CDH12: variants seen among roughly 807,000 people sequenced by gnomAD.
CDH12 encodes cadherin-12.
Under a neutral mutation model 74.1 loss-of-function variants are expected in CDH12, and 41 were observed. The ratio of observed to expected loss-of-function variants is 0.55; its 90% confidence interval spans 0.43 to 0.72. The LOEUF (loss-of-function observed/expected upper bound fraction) is 0.72. Ranked by LOEUF, CDH12 falls within the 30% of genes least tolerant of loss-of-function variation. The probability of loss-of-function intolerance (pLI) is 0.00; values close to 1 mark genes in which losing one functional copy is unlikely to be tolerated. For missense variants in CDH12, 945 were observed against 977.2 expected (o/e 0.97, Z 0.44); for synonymous variants, 399 against 355.0 (o/e 1.12, Z -1.39).
At chr5:22,223,050 T>C (rs1284227847) in intron 3 of CDH12, among the ~76,000 whole-genome samples, 1 of 152,006 alleles carries the variant, frequency 6.6e-6, no homozygotes, top group Non-Finnish European at 1.5e-5. Context: ...CTGTTCTGAA[T>C]TGAAGGTTTA....
At chr5:22,030,182 T>G (rs1738716768) in intron 5 of CDH12, among the ~76,000 whole-genome samples, 2 of 151,666 alleles carry the variant, frequency 1.3e-5, no homozygotes, top group South Asian at 2.1e-4. Flanking sequence ...AGTTAATGGG[T>G]GCAACACACC....
At chr5:22,591,033 C>G in intron 1 of CDH12, among the ~76,000 whole-genome samples, 1 of 152,094 alleles carries the variant, frequency 6.6e-6, no homozygotes. Context: ...ATTAATGTTG[C>G]CCATTTAAAC....
At chr5:22,047,653 T>C (rs1580166818) in intron 5 of CDH12, among the ~76,000 whole-genome samples, 1 of 152,122 alleles carries the variant, frequency 6.6e-6, no homozygotes, top group South Asian at 2.1e-4. Flanking sequence ...GGCATCTACT[T>C]CCAGTTTTTA....
At chr5:21,855,666 A>G (rs1750719377) in intron 6 of CDH12, among the ~76,000 whole-genome samples, 1 of 151,566 alleles carries the variant, frequency 6.6e-6, no homozygotes, top group South Asian at 2.1e-4. Flanking sequence ...GTGTATATAC[A>G]CACATACACG....
chr5:22,446,555 A>AT (rs1269129034), intron 2 of CDH12, among the ~76,000 whole-genome samples: 1 of 152,062 alleles, frequency 6.6e-6, no homozygotes, highest in Admixed American at 6.6e-5. Flanking sequence ...TAATGGAAAG[A>AT]TTTTTTTCTG....
At chr5:22,250,268 C>G (rs549658785) in intron 3 of CDH12, among the ~76,000 whole-genome samples, 3 of 152,198 alleles carry the variant, frequency 2.0e-5, no homozygotes, top group Non-Finnish European at 4.4e-5. Context: ...AGAAAAATTT[C>G]TTGTCATGAA....
intron 3 of CDH12, among the ~76,000 whole-genome samples, chr5:22,237,014 G>A (rs1213664154): frequency 6.6e-6 from 1 of 151,502 alleles, no homozygotes; most frequent in Non-Finnish European, 1.5e-5. Flanking sequence ...AAAAAGTATA[G>A]TATAGTAAAT....
chr5:21,824,936 C>G (rs898786692), intron 8 of CDH12, among the ~76,000 whole-genome samples: 1 of 152,054 alleles, frequency 6.6e-6, no homozygotes, highest in Non-Finnish European at 1.5e-5. Flanking sequence ...GGCCGATCAC[C>G]TGAGCTCAGG....
chr5:22,270,817 G>A (rs899995507), intron 3 of CDH12, among the ~76,000 whole-genome samples: 1 of 151,758 alleles, frequency 6.6e-6, no homozygotes, highest in Non-Finnish European at 1.5e-5. Context: ...GATTACAGGT[G>A]CCTGCTACTA....
At chr5:22,574,487 A>AT (rs1274216697) in intron 1 of CDH12, among the ~76,000 whole-genome samples, 1 of 152,150 alleles carries the variant, frequency 6.6e-6, no homozygotes, top group East Asian at 1.9e-4. Flanking sequence ...ATAAAGGTAG[A>AT]TTTTATGGAA....
Position 22,437,551 on chromosome 5 carries a change from T to TAATAAATAAATAAATAAATAAATA in CDH12, c.-427-32201_-427-32200insTATTTATTTATTTATTTATTTATT, listed in dbSNP as rs61578838. ...TGTAGCCAAGTCAGCAATTTAAAAA[T>TAATAAATAAATAAATAAATAAATA]AATAAATAAATAAATAAATAAAAAT... is the stretch of plus-strand genomic sequence containing the variant. On this transcript the variant is annotated intron_variant, in intron 2 of 14. Coordinates refer to ENST00000382254, the MANE Select transcript of CDH12 (RefSeq NM_004061.5). Among the ~76,000 whole-genome samples, 390 of 148,634 alleles carry TAATAAATAAATAAATAAATAAATA rather than the reference T, an allele frequency of 2.6e-3. 2 individuals are homozygous for TAATAAATAAATAAATAAATAAATA. The highest frequency in any genetic ancestry group is 9.1e-3 in the African/African-American group (372 of 40,672).
At chr5:22,244,804 A>AAAGAAAGAAAG (rs1561251421) in intron 3 of CDH12, among the ~76,000 whole-genome samples, 5 of 120,260 alleles carry the variant, frequency 4.2e-5, no homozygotes, top group African/African-American at 9.3e-5. Context: ...AAGAAAGAAA[A>AAAGAAAGAAAG]ATTCAAAGTA....
chr5:22,798,046 G>T (rs1225601964), intron 1 of CDH12, among the ~76,000 whole-genome samples: 1 of 152,230 alleles, frequency 6.6e-6, no homozygotes, highest in Non-Finnish European at 1.5e-5. Flanking sequence ...CAAAAGAAAA[G>T]AAATTTTTTC....
chr5:22,666,280 A>ATTTTTTTTTTT (rs1740609513), intron 1 of CDH12, among the ~76,000 whole-genome samples: 3 of 115,084 alleles, frequency 2.6e-5, no homozygotes, highest in African/African-American at 1.0e-4. Flanking sequence ...GTATCTCTCT[A>ATTTTTTTTTTT]TCTTTTTTTT....
intron 4 of CDH12, among the ~76,000 whole-genome samples, chr5:22,099,763 T>A (rs1744030170): frequency 6.6e-6 from 1 of 152,220 alleles, no homozygotes. Flanking sequence ...CTGGCAGAAC[T>A]ATGCTGAATC....
At chr5:22,667,232 A>G (rs560282797) in intron 1 of CDH12, among the ~76,000 whole-genome samples, 31 of 152,288 alleles carry the variant, frequency 2.0e-4, no homozygotes, top group African/African-American at 7.2e-4. Flanking sequence ...GCTGAAAGTT[A>G]TAACCACCTA....
intron 1 of CDH12, among the ~76,000 whole-genome samples, chr5:22,782,673 A>G (rs1747441663): frequency 6.6e-6 from 1 of 152,162 alleles, no homozygotes; most frequent in Non-Finnish European, 1.5e-5. Flanking sequence ...TTCATTGACA[A>G]TCATAAATTT....
intron 1 of CDH12, among the ~76,000 whole-genome samples, chr5:22,762,188 A>G (rs1484579645): frequency 6.6e-6 from 1 of 152,098 alleles, no homozygotes; most frequent in Non-Finnish European, 1.5e-5. Context: ...ACATGCATCT[A>G]TGTGTATATT....
intron 1 of CDH12, among the ~76,000 whole-genome samples, chr5:22,732,912 T>G (rs557952272): frequency 2.1e-4 from 32 of 152,016 alleles, no homozygotes; most frequent in African/African-American, 2.4e-5. Context: ...CCCAGAAAAC[T>G]AATATACCCA....
Sources: gnomAD v4.1 joint callset for allele counts (sites outside exome capture counted in the v4.1 genomes callset) on GRCh38, gnomAD v4.1.1 for gene constraint, MANE v1.5 for transcripts, NCBI Gene and HGNC (gene_info 2026-07-23, HGNC 2026-07-21) for gene names.